The following ZNF407 variants were observed in gnomAD, a reference collection of about 807,000 sequenced individuals.
ZNF407 encodes zinc finger protein 407.
In ZNF407, 17 loss-of-function variants were observed where a neutral mutation model predicts 131.2. The observed-to-expected ratio is 0.13, with a 90% CI of 0.09 to 0.19. The LOEUF is 0.19. Ranked by LOEUF, ZNF407 falls within the 10% of genes least tolerant of loss-of-function variation. The pLI, the probability that ZNF407 is intolerant of heterozygous loss-of-function variation, is 1.00. For synonymous variants in ZNF407, 1,156 were observed against 1,062.0 expected (o/e 1.09, Z -1.72); for missense variants, 2,681 against 2,830.6 (o/e 0.95, Z 1.20).
chr18:74,866,284 C>G (rs991343241), intron 4 of ZNF407, among the ~76,000 whole-genome samples: 2 of 152,136 alleles, frequency 1.3e-5, no homozygotes, highest in Admixed American at 6.5e-5. Context: ...GCTCTTTGGA[C>G]TAAGGTCTCT....
intron 8 of ZNF407, among the ~76,000 whole-genome samples, chr18:75,007,249 T>A (rs1311727291): frequency 3.3e-5 from 5 of 152,200 alleles, no homozygotes; most frequent in African/African-American, 4.8e-5. Flanking sequence ...GTTTCTTTTT[T>A]CCTGCTTTCT....
At chr18:74,975,359 T>C (rs1471144705) in intron 8 of ZNF407, among the ~76,000 whole-genome samples, 2 of 152,204 alleles carry the variant, frequency 1.3e-5, no homozygotes, top group African/African-American at 2.4e-5. Flanking sequence ...ATCGGTGTAA[T>C]CTAAGCATAT....
intron 4 of ZNF407, among the ~76,000 whole-genome samples, chr18:74,796,680 G>GT (rs1353263023): frequency 6.6e-6 from 1 of 151,910 alleles, no homozygotes; most frequent in Non-Finnish European, 1.5e-5. Context: ...CTCCCAAATT[G>GT]TTTTTAAATT....
At chr18:74,957,055 G>C (rs1972283945) in intron 8 of ZNF407, among the ~76,000 whole-genome samples, 1 of 152,178 alleles carries the variant, frequency 6.6e-6, no homozygotes, top group Non-Finnish European at 1.5e-5. Context: ...AAAACCAGAA[G>C]AGAGTAAGTG....
In ZNF407 at chr18:75,012,492, T is replaced by G. The variant is rs148529812; in HGVS notation, c.5429-50658T>G. Among the ~76,000 whole-genome samples the G allele has an allele frequency of 6.1e-4, 93 of 151,752 alleles. 5 individuals carry two copies. In the South Asian group the frequency reaches 8.0e-3, roughly 13 times the overall value. On this transcript the variant is annotated intron_variant, in intron 8 of 8. Coordinates refer to ENST00000299687, the MANE Select transcript of ZNF407 (RefSeq NM_017757.3). The stretch of plus-strand genomic sequence containing the variant: ...GTAATCATTTTAACCCCAAATATTT[T>G]CTTTTCCAGTGTTACTACACTTTGC...
At chr18:74,907,163 T>G (rs1213321484) in intron 7 of ZNF407, among the ~76,000 whole-genome samples, 1 of 152,220 alleles carries the variant, frequency 6.6e-6, no homozygotes, top group Admixed American at 6.5e-5. Flanking sequence ...CTTATTCTAT[T>G]TAATGGCTTT....
chr18:74,883,263 CA>C (rs1396286888), intron 6 of ZNF407, among the ~76,000 whole-genome samples: 1 of 152,174 alleles, frequency 6.6e-6, no homozygotes, highest in Non-Finnish European at 1.5e-5. Flanking sequence ...TTTGCTTCAA[CA>C]AAACAGCTAG....
At chr18:74,737,461 A>C (rs1968444537) in intron 3 of ZNF407, among the ~76,000 whole-genome samples, 1 of 152,242 alleles carries the variant, frequency 6.6e-6, no homozygotes, top group Non-Finnish European at 1.5e-5. Flanking sequence ...CATATGTATT[A>C]AGTAATTATA....
intron 8 of ZNF407, among the ~76,000 whole-genome samples, chr18:75,022,291 A>G (rs149231657): frequency 2.6e-4 from 40 of 152,238 alleles, no homozygotes; most frequent in Admixed American, 1.6e-3. Context: ...TTTTTCTTTT[A>G]ATGAGAGCAA....
chr18:74,634,545 A>G lies in ZNF407; in HGVS notation c.3526A>G (p.Lys1176Glu), dbSNP rs1262967420. The G allele has an allele frequency of 3.7e-6, 6 of 1,613,830 alleles. No individual in the cohort carries two copies. Among genetic ancestry groups the G allele is most frequent in the Non-Finnish European group, 5.1e-6 (6 of 1,179,876 alleles). ...TTTCCAACAGGCTCCTGTCAAGGATAAAGTTAGGAAACCTGAGGAGATGAT... is the reference window on the plus strand; with the variant it reads ...TTTCCAACAGGCTCCTGTCAAGGATGAAGTTAGGAAACCTGAGGAGATGAT... ...ETFQQAPVKD[K>E]VRKPEEMMSL... The change falls in exon 2 of 9, where the codon AAA (lysine) becomes GAA (glutamate). Residue 1176 changes from lysine (K) to glutamate (E), a missense_variant. By Grantham distance (56) the Lys-to-Glu change is moderately conservative. Around this residue, in one of 6 missense-constraint regions of ZNF407, gnomAD observed 1,789 missense variants for 1,748.7 expected, o/e 1.02. Transcript: ENST00000299687.
At chr18:74,897,089 T>A (rs1971463068) in intron 7 of ZNF407, among the ~76,000 whole-genome samples, 1 of 152,200 alleles carries the variant, frequency 6.6e-6, no homozygotes, top group Non-Finnish European at 1.5e-5. Flanking sequence ...ATAGGCTTTT[T>A]AAAATTTTTG....
At chr18:74,668,091 C>T (rs1325646613) in intron 3 of ZNF407, among the ~76,000 whole-genome samples, 1 of 152,084 alleles carries the variant, frequency 6.6e-6, no homozygotes, top group Non-Finnish European at 1.5e-5. Context: ...ACCTGAAGTC[C>T]GAAATGCTCC....
chr18:74,947,323 T>A (rs1972164368), intron 8 of ZNF407, among the ~76,000 whole-genome samples: 1 of 152,094 alleles, frequency 6.6e-6, no homozygotes, highest in African/African-American at 2.4e-5. Context: ...AATAAAAATA[T>A]TATGAAGTAA....
At chr18:74,988,077 T>A (rs953175848) in intron 8 of ZNF407, among the ~76,000 whole-genome samples, 4 of 152,146 alleles carry the variant, frequency 2.6e-5, no homozygotes, top group African/African-American at 9.7e-5. Context: ...TGAAGACATA[T>A]GGATGCAAGA....
At chr18:74,662,884 A>T (rs1985773919) in intron 3 of ZNF407, among the ~76,000 whole-genome samples, 3 of 152,244 alleles carry the variant, frequency 2.0e-5, no homozygotes, top group Admixed American at 6.5e-5. Context: ...AGATGTCTGC[A>T]TGGAGGTAGA....
chr18:74,648,798 T>G (rs1351855551), intron 3 of ZNF407, among the ~76,000 whole-genome samples: 1 of 152,206 alleles, frequency 6.6e-6, no homozygotes, highest in Non-Finnish European at 1.5e-5. Context: ...TGTAATTGTT[T>G]CCATACTTGA....
chr18:74,603,108 G>A (rs1032924784), intron 1 of ZNF407, among the ~76,000 whole-genome samples: 2 of 152,192 alleles, frequency 1.3e-5, no homozygotes, highest in South Asian at 2.1e-4. Context: ...AGAGTTTATT[G>A]TAAGGGCATT....
intron 8 of ZNF407, among the ~76,000 whole-genome samples, chr18:75,020,918 C>CCGTG (rs1973102467): frequency 6.6e-6 from 1 of 152,090 alleles, no homozygotes. Context: ...AGACAGTGGG[C>CCGTG]CGTGGCTGGA....
chr18:74,723,797 AG>A (rs1968093540), intron 3 of ZNF407, among the ~76,000 whole-genome samples: 1 of 151,976 alleles, frequency 6.6e-6, no homozygotes, highest in Non-Finnish European at 1.5e-5. Context: ...AAAAGTGAGG[AG>A]GGTTTGGATA....
Sources: gnomAD v4.1 joint callset for allele counts (sites outside exome capture counted in the v4.1 genomes callset) on GRCh38, gnomAD v4.1.1 for gene constraint, gnomAD v4.1.1 regional missense constraint, MANE v1.5 for transcripts, NCBI Gene and HGNC (gene_info 2026-07-23, HGNC 2026-07-21) for gene names.